The following AGL variants were observed in gnomAD, a reference collection of about 807,000 sequenced individuals.
AGL encodes the protein glycogen debranching enzyme.
A neutral mutation model predicts 199.3 loss-of-function variants in AGL; 128 were observed. The ratio of observed to expected loss-of-function variants is 0.64; its 90% CI spans 0.56 to 0.74. The LOEUF is 0.74. AGL is among the 30% of genes least tolerant of loss of function. The pLI is 0.00. For missense variants in AGL, 1,809 were observed against 1,820.8 expected (o/e 0.99, Z 0.12); for synonymous variants, 584 against 594.7 (o/e 0.98, Z 0.26).
At chr1:99,871,481 A>C (rs1651011007) in intron 7 of AGL, among the ~76,000 whole-genome samples, 1 of 149,022 alleles carries the variant, frequency 6.7e-6, no homozygotes, top group Admixed American at 6.7e-5. Context: ...GTAGGAGACA[A>C]ATTAGAAAGG....
At position 99,894,186 on chromosome 1, in the gene AGL, C is replaced by CA. The variant is rs397966572; in HGVS notation, c.3259+1594dup. ...CTGGGTGACAGAGGAGACCCTGTCT[C>CA]AAAAAAAAAAAAAAATTTGTAGCCT... On this transcript the variant is annotated intron_variant, in intron 24 of 33. Transcript: ENST00000361915. Among the ~76,000 whole-genome samples the CA allele has an allele frequency of 7.6e-3, 813 of 106,594 alleles. 5 individuals are homozygous for CA. The highest frequency in any genetic ancestry group is 0.02 in the African/African-American group (581 of 28,570). The allele number at this position is 106,594 out of a possible 152,430, so 69.9% of individuals were successfully genotyped here. A position where few individuals can be genotyped will look rare whatever the true frequency, so the allele number is the denominator to read the frequency against.
chr1:99,897,124 T>C (rs1653391753), intron 25 of AGL, among the ~76,000 whole-genome samples: 1 of 152,134 alleles, frequency 6.6e-6, no homozygotes, highest in Admixed American at 6.5e-5. Flanking sequence ...CGTAAAATGG[T>C]ATTTTTTTTA....
At chr1:99,870,341 C>T (rs545246738) in intron 5 of AGL, 59 bp from the exon 6 acceptor site, 3 of 1,523,276 alleles carry the variant, frequency 2.0e-6, no homozygotes, top group East Asian at 2.3e-5. Context: ...CTAAACTTAA[C>T]ATAGATACAG....
In AGL at chr1:99,875,338, C is replaced by T. The variant is rs576249692; in HGVS notation, c.1186-20C>T. The stretch of plus-strand genomic sequence containing the variant: ...TGTCTTGAGGATGGTGATGATCTAA[C>T]ACAATTTAATGTTTTTCAGGCAGTT... On this transcript the variant is annotated intron_variant, in intron 9 of 33. Coordinates refer to ENST00000361915, the MANE Select transcript of AGL (RefSeq NM_000642.3). 6.2e-7 allele frequency: 1 copy of T among 1,613,578 alleles called. No homozygotes were observed. Among genetic ancestry groups the T allele is most frequent in the East Asian group, 2.2e-5 (1 of 44,862 alleles).
At position 99,913,753 on chromosome 1, in the gene AGL, T is replaced by G; in HGVS notation, c.4161+15T>G. On this transcript the variant is annotated intron_variant, in intron 30 of 33. Transcript: ENST00000361915. ...CAATGGTTGTGGTAGGTGATTCGTT[T>G]GTAAAAACATTTCAAAAAATGATGT... The G allele has an allele frequency of 1.2e-6, 2 of 1,610,022 alleles. No individual in the cohort carries two copies. Among genetic ancestry groups the G allele is most frequent in the African/African-American group, 1.3e-5 (1 of 74,992 alleles).
intron 2 of AGL, among the ~76,000 whole-genome samples, chr1:99,856,292 ATCCCTTCCTTCCTTCCTCCCTCCC>A (rs1479601000): frequency 9.9e-5 from 13 of 131,122 alleles, no homozygotes; most frequent in African/African-American, 2.0e-4. Flanking sequence ...AAAATATAAC[ATCCCTTCCTTCCTTCCTCCCTCCC>A]TCCCTTCCTT....
chr1:99,918,469 C>A (rs962646902), intron 33 of AGL, among the ~76,000 whole-genome samples: 4 of 151,958 alleles, frequency 2.6e-5, no homozygotes, highest in African/African-American at 9.7e-5. Context: ...TATCACCCTG[C>A]TTCTTTGCTT....
At chr1:99,914,846 GT>G (rs1461061537) in intron 30 of AGL, among the ~76,000 whole-genome samples, 2 of 152,136 alleles carry the variant, frequency 1.3e-5, no homozygotes, top group Non-Finnish European at 2.9e-5. Context: ...GGAGGCTGAG[GT>G]TGGAGGATCA....
chr1:99,877,968 T>C, intron 12 of AGL, 140 bp downstream of exon 12: 1 of 792,670 alleles, frequency 1.3e-6, no homozygotes. Context: ...TTTATCACTA[T>C]TGCATAATTA....
chr1:99,877,215 CT>C (rs1651621632), intron 11 of AGL, among the ~76,000 whole-genome samples: 1 of 152,064 alleles, frequency 6.6e-6, no homozygotes, highest in South Asian at 2.1e-4. Flanking sequence ...TATCTCTGCC[CT>C]CTTTTTTCTA....
chr1:99,879,609 A>G (rs1651839332), intron 12 of AGL, among the ~76,000 whole-genome samples: 1 of 152,078 alleles, frequency 6.6e-6, no homozygotes, highest in Non-Finnish European at 1.5e-5. Context: ...TAAATAAATA[A>G]GCAAACAAAA....
intron 30 of AGL, 41 bp downstream of exon 30, chr1:99,913,779 G>T (rs747457031): frequency 7.6e-6 from 12 of 1,576,338 alleles, no homozygotes; most frequent in South Asian, 4.4e-5. Context: ...AAAATGATGT[G>T]CTAGAGTTTG....
intron 27 of AGL, among the ~76,000 whole-genome samples, chr1:99,904,802 T>A (rs576434980): frequency 6.6e-6 from 1 of 152,314 alleles, no homozygotes; most frequent in East Asian, 1.9e-4. Context: ...GTTTATTCCT[T>A]TTTATTGCTG....
At position 99,900,855 on chromosome 1, in the gene AGL, C is replaced by A. The variant is rs1200691954; in HGVS notation, c.3582C>A (p.Gly1194=). ...ATGATTCTGCTCCTTTGCCTGCTGG[C>A]ACACTGGTAAAGATATTTCTTAAAA... ...PTDDSAPLPA[G]TLDQPLFEVI... Residue 1194 remains glycine (G), a synonymous_variant, in exon 26 of 34, where the codon GGC becomes GGA. Transcript: ENST00000361915. The A allele has an allele frequency of 1.9e-6, 3 of 1,599,312 alleles. No individual in the cohort carries two copies. Among genetic ancestry groups the A allele is most frequent in the Non-Finnish European group, 2.6e-6 (3 of 1,167,650 alleles).
rs1439371219 is a variant in AGL at position 99,910,697 on chromosome 1, CATTTT to C, written c.3701-14_3701-10del. Reference sequence around the variant, plus strand: ...TACTTATAAAATTTTATTTTATACACATTTTGTTTTTTAGGTTTTAATATAACTGC... The same window carrying C: ...TACTTATAAAATTTTATTTTATACACGTTTTTTAGGTTTTAATATAACTGC... On this transcript the variant is annotated splice_polypyrimidine_tract_variant and intron_variant, in intron 27 of 33. Coordinates refer to ENST00000361915, the MANE Select transcript of AGL (RefSeq NM_000642.3). 1.3e-6 allele frequency: 2 copies of C among 1,499,780 alleles called. No individual in the cohort carries two copies. Among genetic ancestry groups the C allele is most frequent in the East Asian group, 2.4e-5 (1 of 41,430 alleles). 92.9% of individuals were successfully genotyped at this position (1,499,780 alleles called of 1,614,324 possible).
chr1:99,915,305 C>T (rs996889210), intron 30 of AGL, 84 bp from the exon 31 acceptor site: 1 of 1,163,908 alleles, frequency 8.6e-7, no homozygotes, highest in African/African-American at 1.5e-5. Context: ...TAATTTTTTT[C>T]AAGCTTATGA....
chr1:99,852,351 C>CTTTTTTTTTTTTTTTTTT (rs11363065), intron 2 of AGL, among the ~76,000 whole-genome samples: 1 of 97,554 alleles, frequency 1.0e-5, no homozygotes, highest in Non-Finnish European at 1.9e-5. Flanking sequence ...GCATTCATTT[C>CTTTTTTTTTTTTTTTTTT]TTTTTTTTTT....
chr1:99,874,744 C>G lies in AGL; in HGVS notation c.1016C>G (p.Pro339Arg). The stretch of plus-strand genomic sequence containing the variant: ...CAACACCTTACGATTATTCAAGATC[C>G]TGAATACAGACGGTTTGGCTGTACT... The part of the protein sequence containing the change: ...PNQHLTIIQD[P>R]EYRRFGCTVD... Residue 339 changes from proline (P) to arginine (R), a missense_variant, in exon 8 of 34, where the codon CCT (proline) becomes CGT (arginine). Coordinates refer to ENST00000361915, the MANE Select transcript of AGL (RefSeq NM_000642.3). 1 of 1,613,072 alleles carries G rather than the reference C, an allele frequency of 6.2e-7. No individual in the cohort carries two copies. Among genetic ancestry groups the G allele is most frequent in the Non-Finnish European group, 8.5e-7 (1 of 1,179,106 alleles).
At chr1:99,878,350 A>T (rs1365376172) in intron 12 of AGL, among the ~76,000 whole-genome samples, 1 of 152,024 alleles carries the variant, frequency 6.6e-6, no homozygotes, top group Non-Finnish European at 1.5e-5. Flanking sequence ...TCTAAAAAAT[A>T]AATTAATTAA....
Sources: allele counts gnomAD v4.1 joint callset (sites outside exome capture counted in the v4.1 genomes callset), GRCh38; gene constraint gnomAD v4.1.1; transcripts MANE v1.5; gene names NCBI Gene and HGNC (gene_info 2026-07-23, HGNC 2026-07-21).